The following ASIC2 variants were observed in gnomAD, a reference collection of about 807,000 sequenced individuals.
ASIC2 encodes the protein acid-sensing ion channel 2.
In ASIC2, 25 loss-of-function variants were observed where a neutral mutation model predicts 57.3. The ratio of observed to expected loss-of-function variants is 0.44; its 90% CI spans 0.32 to 0.61. The LOEUF (loss-of-function observed/expected upper bound fraction) is 0.61, where lower values mean the gene tolerates loss of function less well. Among genes scored for constraint, ASIC2 ranks in the 20% least tolerant of loss-of-function variants. ASIC2 has a pLI of 0.06. For missense variants in ASIC2, 641 were observed against 738.1 expected (o/e 0.87, Z 1.52); for synonymous variants, 319 against 307.5 (o/e 1.04, Z -0.39).
At chr17:33,689,215 G>A (rs1273202669) in intron 1 of ASIC2, 2 of 152,168 alleles carry the variant, frequency 1.3e-5, no homozygotes, top group African/African-American at 2.4e-5. Context: ...ATAATGGACT[G>A]TAGCCATTGC....
chr17:33,241,053 T>A (rs1228417060), intron 1 of ASIC2, among the ~76,000 whole-genome samples: 2 of 152,012 alleles, frequency 1.3e-5, no homozygotes, highest in Non-Finnish European at 2.9e-5. Context: ...TCACCTTTCA[T>A]AGATCAGGAC....
intron 1 of ASIC2, among the ~76,000 whole-genome samples, chr17:33,905,168 A>G (rs1246873708): frequency 1.5e-5 from 1 of 66,148 alleles, no homozygotes; most frequent in Non-Finnish European, 3.0e-5. Flanking sequence ...TTTTTTTTCC[A>G]CTTAGCGTTC....
intron 1 of ASIC2, among the ~76,000 whole-genome samples, chr17:33,505,322 G>A (rs558345794): frequency 6.6e-5 from 10 of 151,954 alleles, no homozygotes; most frequent in Non-Finnish European, 1.5e-4. Flanking sequence ...TAGGCAGGGA[G>A]TTAACTTAGA....
intron 1 of ASIC2, among the ~76,000 whole-genome samples, chr17:33,145,860 G>T (rs1400567164): frequency 6.6e-6 from 1 of 152,156 alleles, no homozygotes; most frequent in Non-Finnish European, 1.5e-5. Context: ...AGAATTGGTG[G>T]CAAGGGCACA....
intron 7 of ASIC2, among the ~76,000 whole-genome samples, chr17:33,018,737 T>C (rs531731786): frequency 6.6e-6 from 1 of 152,112 alleles, no homozygotes; most frequent in South Asian, 2.1e-4. Context: ...GGTGGCAGGA[T>C]GGAGGGGGTT....
chr17:33,981,789 T>A (rs1905635191), intron 1 of ASIC2, among the ~76,000 whole-genome samples: 1 of 152,194 alleles, frequency 6.6e-6, no homozygotes, highest in Non-Finnish European at 1.5e-5. Flanking sequence ...ATCCTCACAA[T>A]TTTATGACAT....
intron 1 of ASIC2, among the ~76,000 whole-genome samples, chr17:33,818,732 G>A (rs1389201462): frequency 6.6e-6 from 1 of 152,188 alleles, no homozygotes; most frequent in Admixed American, 6.5e-5. Flanking sequence ...AACCCTAGAT[G>A]ATGTTTTAAA....
chr17:34,039,021 C>A, intron 1 of ASIC2: 1 of 1,614,154 alleles, frequency 6.2e-7, no homozygotes, highest in Admixed American at 1.7e-5. Context: ...TATCTCTACA[C>A]GCCATCTTCT....
rs115617789 is a variant in ASIC2 at position 33,351,908 on chromosome 17, C to T, written c.556-239841G>A. ...ACCTCTTGGTTCTGGCCCTGCCACT[C>T]CCCAGCTGAGACTGTGTGAGCAGCA... is the stretch of plus-strand genomic sequence containing the variant. On this transcript the variant is annotated intron_variant, in intron 1 of 9. Coordinates refer to the ASIC2 transcript ENST00000359872. Among the ~76,000 whole-genome samples, 982 of 152,214 alleles carry T rather than the reference C, an allele frequency of 6.5e-3. 7 individuals carry two copies. The highest frequency in any genetic ancestry group is 0.021 in the African/African-American group (875 of 41,532).
chr17:33,878,038 G>C (rs1321491168), intron 1 of ASIC2, among the ~76,000 whole-genome samples: 1 of 152,246 alleles, frequency 6.6e-6, no homozygotes, highest in Non-Finnish European at 1.5e-5. Flanking sequence ...CAGACCTGCA[G>C]CTGAGGTTCC....
At chr17:33,959,045 C>T (rs1904834411) in intron 1 of ASIC2, among the ~76,000 whole-genome samples, 1 of 152,164 alleles carries the variant, frequency 6.6e-6, no homozygotes, top group Non-Finnish European at 1.5e-5. Context: ...TTCCTAAGTT[C>T]CTCATCTCCA....
At chr17:34,109,929 CGTGTGTGTGT>C (rs140552170) in intron 1 of ASIC2, among the ~76,000 whole-genome samples, 1 of 150,456 alleles carries the variant, frequency 6.6e-6, no homozygotes, top group African/African-American at 2.4e-5. Flanking sequence ...TAGGTATATG[CGTGTGTGTGT>C]GTGTTTGTGT....
intron 1 of ASIC2, among the ~76,000 whole-genome samples, chr17:33,287,435 C>G (rs1905240232): frequency 6.6e-6 from 1 of 152,200 alleles, no homozygotes; most frequent in Non-Finnish European, 1.5e-5. Flanking sequence ...TCAGATAGCT[C>G]TGCCTCACTG....
intron 1 of ASIC2, among the ~76,000 whole-genome samples, chr17:33,661,134 G>GCCA (rs1907249085): frequency 6.6e-6 from 1 of 152,148 alleles, no homozygotes; most frequent in Non-Finnish European, 1.5e-5. Flanking sequence ...GTCTTACACA[G>GCCA]CCGTACCTTC....
At chr17:33,885,558 A>G (rs1914808626) in intron 1 of ASIC2, among the ~76,000 whole-genome samples, 3 of 152,226 alleles carry the variant, frequency 2.0e-5, no homozygotes, top group South Asian at 4.1e-4. Flanking sequence ...ACTTTGCAGA[A>G]GAAAAAAATG....
At chr17:33,458,752 A>AAG (rs1423134763) in intron 1 of ASIC2, among the ~76,000 whole-genome samples, 2 of 152,232 alleles carry the variant, frequency 1.3e-5, no homozygotes, top group African/African-American at 2.4e-5. Context: ...TCTATTAATG[A>AAG]AGAGATTGAA....
At chr17:33,914,138 A>G (rs1158711499) in intron 1 of ASIC2, among the ~76,000 whole-genome samples, 2 of 152,188 alleles carry the variant, frequency 1.3e-5, no homozygotes, top group African/African-American at 4.8e-5. Flanking sequence ...CATTGCAAGA[A>G]AACACAACTG....
intron 1 of ASIC2, among the ~76,000 whole-genome samples, chr17:33,622,254 C>T (rs562048404): frequency 2.6e-5 from 4 of 151,986 alleles, no homozygotes; most frequent in Non-Finnish European, 4.4e-5. Flanking sequence ...TTGAGTTAAG[C>T]CTTTAAGTTT....
chr17:33,065,541 T>G (rs2092040227), intron 3 of ASIC2, among the ~76,000 whole-genome samples: 1 of 152,152 alleles, frequency 6.6e-6, no homozygotes, highest in South Asian at 2.1e-4. Flanking sequence ...GGCCTCAAAC[T>G]CCTGGCCTGA....
Sources: allele counts gnomAD v4.1 joint callset (sites outside exome capture counted in the v4.1 genomes callset), GRCh38; gene constraint gnomAD v4.1.1; transcripts MANE v1.5; gene names NCBI Gene and HGNC (gene_info 2026-07-23, HGNC 2026-07-21).